Variants in SPAG16 observed in about 807,000 individuals in gnomAD.
SPAG16 encodes sperm-associated antigen 16 protein.
A neutral mutation model predicts 80.4 loss-of-function variants in SPAG16; 86 were observed. The observed-to-expected ratio is 1.07, with a 90% CI of 0.90 to 1.28. The LOEUF (loss-of-function observed/expected upper bound fraction) is 1.28. Among genes scored for constraint, SPAG16 ranks in the 50% most tolerant of loss-of-function variants. The pLI is 0.00. For missense variants in SPAG16, 870 were observed against 765.3 expected (o/e 1.14, Z -1.61); for synonymous variants, 294 against 265.9 (o/e 1.11, Z -1.03).
chr2:214,051,062 G>T (rs766833244), intron 13 of SPAG16, among the ~76,000 whole-genome samples: 2 of 152,154 alleles, frequency 1.3e-5, no homozygotes, highest in African/African-American at 2.4e-5. Flanking sequence ...GCAGTGTCTT[G>T]ACCTTTAATA....
intron 15 of SPAG16, among the ~76,000 whole-genome samples, chr2:214,225,684 A>G (rs984382538): frequency 1.3e-5 from 2 of 152,250 alleles, no homozygotes; most frequent in East Asian, 3.9e-4. Context: ...GAGAGGAAAA[A>G]CTATCTTTGT....
intron 13 of SPAG16, among the ~76,000 whole-genome samples, chr2:214,032,604 T>C (rs2048470472): frequency 6.6e-6 from 1 of 152,190 alleles, no homozygotes; most frequent in African/African-American, 2.4e-5. Flanking sequence ...ACTTAAGTGC[T>C]ACAATAACAA....
At chr2:213,439,294 T>C (rs1286420575) in intron 9 of SPAG16, among the ~76,000 whole-genome samples, 1 of 152,220 alleles carries the variant, frequency 6.6e-6, no homozygotes, top group Non-Finnish European at 1.5e-5. Context: ...GGGAGCGGCT[T>C]TGGAACCAGG....
chr2:214,060,226 T>C (rs567872500), intron 13 of SPAG16, among the ~76,000 whole-genome samples: 137 of 152,312 alleles, frequency 9.0e-4, no homozygotes, highest in South Asian at 1.9e-3. Flanking sequence ...TCTACCCAGA[T>C]GCCTCCAGCT....
At position 214,155,402 on chromosome 2, in the gene SPAG16, A is replaced by G. The variant is rs1483199317; in HGVS notation, c.1720+6136A>G. On this transcript the variant is annotated intron_variant, in intron 15 of 15. Coordinates refer to ENST00000331683, the MANE Select transcript of SPAG16 (RefSeq NM_024532.5). ...ATATATGGAGCTTTATTGGAACACA[A>G]CCTCGCTTATTTATTTACATATTCT... is the stretch of plus-strand genomic sequence containing the variant. Among the ~76,000 whole-genome samples the G allele has an allele frequency of 2.0e-5, 3 of 151,838 alleles. No homozygotes were observed. The East Asian group carries it at 5.8e-4, about 29-fold the overall frequency.
chr2:214,259,857 GC>G (rs1210656711), intron 15 of SPAG16, among the ~76,000 whole-genome samples: 1 of 152,114 alleles, frequency 6.6e-6, no homozygotes, highest in Non-Finnish European at 1.5e-5. Flanking sequence ...TACATAGAGA[GC>G]CAGATCATCT....
chr2:213,700,214 C>T (rs894858421), intron 10 of SPAG16, among the ~76,000 whole-genome samples: 4 of 149,926 alleles, frequency 2.7e-5, no homozygotes, highest in Admixed American at 2.0e-4. Context: ...GAATTTTTGA[C>T]TGCTAAAAAA....
At chr2:213,641,841 C>G (rs778147131) in intron 10 of SPAG16, among the ~76,000 whole-genome samples, 1 of 152,102 alleles carries the variant, frequency 6.6e-6, no homozygotes, top group South Asian at 2.1e-4. Flanking sequence ...GGGGAGGCCT[C>G]AGGAAATTTA....
chr2:213,873,461 G>T (rs1401817806), intron 11 of SPAG16, among the ~76,000 whole-genome samples: 1 of 151,092 alleles, frequency 6.6e-6, no homozygotes, highest in Non-Finnish European at 1.5e-5. Flanking sequence ...AACTTTTATT[G>T]TTGAATTTTC....
chr2:213,535,451 T>A (rs2125898242), intron 10 of SPAG16, among the ~76,000 whole-genome samples: 1 of 152,288 alleles, frequency 6.6e-6, no homozygotes, highest in South Asian at 2.1e-4. Context: ...TTGAATAATG[T>A]CACTTATGTC....
intron 8 of SPAG16, among the ~76,000 whole-genome samples, chr2:213,366,330 A>G (rs530956750): frequency 5.3e-5 from 8 of 152,248 alleles, no homozygotes; most frequent in African/African-American, 1.9e-4. Context: ...AGAACTAATC[A>G]TACACATAAA....
intron 5 of SPAG16, 47 bp downstream of exon 5, chr2:213,317,403 A>G (rs1169834647): frequency 6.4e-7 from 1 of 1,566,754 alleles, no homozygotes. Context: ...TTTTGGACTA[A>G]ATAAAAGAGT....
chr2:214,033,247 A>C (rs566737399), intron 13 of SPAG16, among the ~76,000 whole-genome samples: 84 of 152,328 alleles, frequency 5.5e-4, no homozygotes, highest in Non-Finnish European at 9.6e-4. Context: ...GGTGTGGGCA[A>C]GGGGAAATAA....
chr2:213,835,238 G>A (rs2074009203), intron 10 of SPAG16, among the ~76,000 whole-genome samples: 1 of 152,154 alleles, frequency 6.6e-6, no homozygotes, highest in Admixed American at 6.5e-5. Flanking sequence ...CTAGTGCCAG[G>A]CTGTCTCCTC....
At chr2:213,954,577 C>T (rs1327396022) in intron 12 of SPAG16, among the ~76,000 whole-genome samples, 5 of 152,046 alleles carry the variant, frequency 3.3e-5, no homozygotes, top group Non-Finnish European at 5.9e-5. Flanking sequence ...ATACATGTGT[C>T]ATGGTGGTTT....
chr2:213,472,786 A>G (rs1162187774), intron 9 of SPAG16, among the ~76,000 whole-genome samples: 11 of 152,234 alleles, frequency 7.2e-5, no homozygotes, highest in Admixed American at 5.2e-4. Context: ...GGAGGACCAC[A>G]GTGACATTTT....
At chr2:213,941,355 A>G (rs547005517) in intron 12 of SPAG16, among the ~76,000 whole-genome samples, 1 of 152,256 alleles carries the variant, frequency 6.6e-6, no homozygotes, top group East Asian at 1.9e-4. Context: ...ATAACTTGTA[A>G]TGAATGTTAA....
At chr2:214,108,175 G>T in intron 13 of SPAG16, 21 bp from the exon 14 acceptor site, 1 of 1,527,302 alleles carries the variant, frequency 6.5e-7, no homozygotes, top group Non-Finnish European at 8.9e-7. Flanking sequence ...ATTTGACTCT[G>T]TTTCTGCTTT....
intron 10 of SPAG16, among the ~76,000 whole-genome samples, chr2:213,589,248 T>C (rs1243182112): frequency 2.6e-5 from 4 of 152,168 alleles, no homozygotes; most frequent in Admixed American, 2.6e-4. Flanking sequence ...TAGATCACAA[T>C]GTGGATGAAC....
Sources: allele counts gnomAD v4.1 joint callset (sites outside exome capture counted in the v4.1 genomes callset), GRCh38; gene constraint gnomAD v4.1.1; transcripts MANE v1.5; gene names NCBI Gene and HGNC (gene_info 2026-07-23, HGNC 2026-07-21).